The following CCDC33 variants were observed in gnomAD, a reference collection of about 807,000 sequenced individuals.
The protein encoded by CCDC33 is coiled-coil domain containing 33.
A neutral mutation model predicts 91.9 loss-of-function variants in CCDC33; 94 were observed. The observed-to-expected ratio is 1.02, with a 90% confidence interval of 0.87 to 1.21. CCDC33 has a LOEUF of 1.21. Among genes scored for constraint, CCDC33 ranks in the 50% most tolerant of loss-of-function variants. The pLI is 0.00. For synonymous variants in CCDC33, 396 were observed against 374.5 expected, an observed-to-expected ratio of 1.06 and a Z score of -0.66; for missense variants, 940 against 935.5, an observed-to-expected ratio of 1.00 and a Z score of -0.06.
intron 2 of CCDC33, among the ~76,000 whole-genome samples, chr15:74,256,343 G>A (rs191208588): frequency 6.6e-6 from 1 of 152,344 alleles, no homozygotes; most frequent in East Asian, 1.9e-4. Context: ...GAAGAGTCCG[G>A]TGATTTCTGT....
chr15:74,265,494 T>C (rs28395230), intron 3 of CCDC33, among the ~76,000 whole-genome samples: 50,644 of 152,086 alleles, frequency 0.33, 10,079 homozygotes, highest in African/African-American at 0.53. Context: ...CAACCCTTCC[T>C]ATCATCTACT....
intron 11 of CCDC33, among the ~76,000 whole-genome samples, chr15:74,309,418 G>T (rs142937845): frequency 6.6e-6 from 1 of 152,198 alleles, no homozygotes; most frequent in Admixed American, 6.5e-5. Context: ...CCCTTCCTGA[G>T]CAGCTTGGTG....
chr15:74,317,346 G>C (rs1431684483), intron 11 of CCDC33, among the ~76,000 whole-genome samples: 1 of 152,168 alleles, frequency 6.6e-6, no homozygotes, highest in East Asian at 1.9e-4. Flanking sequence ...GGGAGACAGA[G>C]CAAGAGACAG....
chr15:74,204,432 A>G (rs1378904936), intron 1 of CCDC33, among the ~76,000 whole-genome samples: 1 of 152,252 alleles, frequency 6.6e-6, no homozygotes, highest in Non-Finnish European at 1.5e-5. Context: ...GAGGTTCACC[A>G]GCTGGGCTTC....
rs375595941 is a variant in CCDC33 at position 74,237,473 on chromosome 15, C to G, written c.21+733C>G. ...GAGACCAAAGGCACACAGATACTTG[C>G]AAATGGGGGATACCCTCTTTGTAGT... On this transcript the variant is annotated intron_variant, in intron 1 of 18. Transcript: ENST00000398814. Among the ~76,000 whole-genome samples, 70 of 152,366 alleles carry G rather than the reference C, an allele frequency of 4.6e-4. 2 individuals carry two copies. The East Asian group carries it at 6.2e-3, about 13-fold the overall frequency.
rs1044837660 is a variant in CCDC33 at position 74,289,523 on chromosome 15, G to A, written c.1096-6231G>A. ...GAGCTCAGGAGTTCGAGACCAGCCC[G>A]GGCAACATGGCAAAACCCCATCTCC... is the stretch of plus-strand genomic sequence containing the variant. On this transcript the variant is annotated intron_variant, in intron 10 of 18. Transcript: ENST00000398814. Among the ~76,000 whole-genome samples the A allele has an allele frequency of 5.3e-5, 8 of 152,178 alleles. 1 individual carries two copies. Among genetic ancestry groups the A allele is most frequent in the African/African-American group, 7.2e-5 (3 of 41,448 alleles).
At chr15:74,264,189 T>A (rs1295816623) in intron 3 of CCDC33, among the ~76,000 whole-genome samples, 1 of 126,940 alleles carries the variant, frequency 7.9e-6, no homozygotes, top group Non-Finnish European at 1.6e-5. Flanking sequence ...GCTGTGGTGA[T>A]GTCTGCGGTG....
intron 10 of CCDC33, among the ~76,000 whole-genome samples, chr15:74,283,598 T>A (rs975593242): frequency 1.3e-5 from 2 of 152,164 alleles, no homozygotes; most frequent in Non-Finnish European, 2.9e-5. Flanking sequence ...TGCTGCCGAA[T>A]TCATTTAGCT....
intron 7 of CCDC33, among the ~76,000 whole-genome samples, chr15:74,274,738 C>G (rs1332187019): frequency 6.6e-6 from 1 of 152,230 alleles, no homozygotes; most frequent in Non-Finnish European, 1.5e-5. Context: ...CCCTCCCACC[C>G]CCAGGCTTTC....
chr15:74,307,424 G>A (rs12913522), intron 11 of CCDC33, among the ~76,000 whole-genome samples: 78,177 of 152,046 alleles, frequency 0.51, 22,284 homozygotes, highest in Non-Finnish European at 0.64. Context: ...TCCCCACTTT[G>A]TGGGAGAGGA....
At chr15:74,261,634 C>T (rs1051201108) in intron 2 of CCDC33, among the ~76,000 whole-genome samples, 4 of 152,202 alleles carry the variant, frequency 2.6e-5, no homozygotes, top group Non-Finnish European at 5.9e-5. Context: ...CTGGGGATGG[C>T]CCTGGCCTAG....
chr15:74,219,237 G>T (rs1446434537), intron 2 of CCDC33, among the ~76,000 whole-genome samples: 1 of 152,184 alleles, frequency 6.6e-6, no homozygotes, highest in East Asian at 1.9e-4. Context: ...AGCCCATCTA[G>T]CATCCACCCT....
intron 2 of CCDC33, 134 bp from the exon 3 acceptor site, chr15:74,262,306 T>C (rs554109713): frequency 8.7e-7 from 1 of 1,154,716 alleles, no homozygotes; most frequent in Non-Finnish European, 1.2e-6. Context: ...ATGACACAAG[T>C]GTCTATGCAT....
chr15:74,248,172 G>A (rs972583682), intron 2 of CCDC33, among the ~76,000 whole-genome samples: 4 of 152,228 alleles, frequency 2.6e-5, no homozygotes, highest in Non-Finnish European at 5.9e-5. Context: ...TGAGGTGATA[G>A]ATGTGTTAAC....
chr15:74,332,073 T>C (rs1233219687), intron 15 of CCDC33, among the ~76,000 whole-genome samples: 1 of 152,106 alleles, frequency 6.6e-6, no homozygotes, highest in African/African-American at 2.4e-5. Flanking sequence ...TTCTTCCCCA[T>C]CGATATTAAC....
At chr15:74,314,527 G>C (rs1366203446) in intron 11 of CCDC33, among the ~76,000 whole-genome samples, 2 of 152,212 alleles carry the variant, frequency 1.3e-5, no homozygotes, top group African/African-American at 4.8e-5. Context: ...CACATTTCAG[G>C]GGTGGGGGGC....
chr15:74,233,665 A>G (rs1380999068), upstream of CCDC33, among the ~76,000 whole-genome samples: 1 of 152,192 alleles, frequency 6.6e-6, no homozygotes, highest in Non-Finnish European at 1.5e-5. Flanking sequence ...GCCAAGCCCA[A>G]GGTTGGTTAG....
At chr15:74,214,042 A>G (rs1019253672), upstream of CCDC33, among the ~76,000 whole-genome samples, 2 of 151,764 alleles carry the variant, frequency 1.3e-5, no homozygotes, top group African/African-American at 4.8e-5. Flanking sequence ...AGCTCTGCCT[A>G]GAGGAAGGAA....
intron 10 of CCDC33, among the ~76,000 whole-genome samples, chr15:74,289,524 G>A (rs2059545765): frequency 2.0e-5 from 3 of 152,186 alleles, no homozygotes. Flanking sequence ...GACCAGCCCG[G>A]GCAACATGGC....
Sources: allele counts gnomAD v4.1 joint callset (sites outside exome capture counted in the v4.1 genomes callset), GRCh38; gene constraint gnomAD v4.1.1; transcripts MANE v1.5; gene names NCBI Gene and HGNC (gene_info 2026-07-23, HGNC 2026-07-21).